Variants in ANGPT1 observed in about 807,000 individuals in gnomAD.
ANGPT1 encodes the protein angiopoietin 1, also known as angiopoietin-1.
In ANGPT1, 17 loss-of-function variants were observed where a neutral mutation model predicts 62.2. The ratio of observed to expected loss-of-function variants is 0.27; its 90% CI spans 0.19 to 0.41. The LOEUF is 0.41. Ranked by LOEUF, ANGPT1 falls within the 10% of genes least tolerant of loss-of-function variation. ANGPT1 has a pLI of 1.00. For synonymous variants in ANGPT1, 199 were observed against 198.9 expected, an observed-to-expected ratio of 1.00 and a Z score of 0.00; for missense variants, 478 against 594.9, an observed-to-expected ratio of 0.80 and a Z score of 2.04.
intron 1 of ANGPT1, among the ~76,000 whole-genome samples, chr8:107,350,609 T>C (rs552443925): frequency 6.6e-6 from 1 of 152,300 alleles, no homozygotes; most frequent in East Asian, 1.9e-4. Context: ...TCAGTTCTGC[T>C]GACCCTGTTG....
At chr8:107,494,298 T>C (rs1813037605) in intron 1 of ANGPT1, among the ~76,000 whole-genome samples, 1 of 152,126 alleles carries the variant, frequency 6.6e-6, no homozygotes, top group Admixed American at 6.5e-5. Flanking sequence ...GGGCTAAATG[T>C]TTCACTGTCA....
chr8:107,442,986 C>G (rs1654773), intron 1 of ANGPT1, among the ~76,000 whole-genome samples: 126,996 of 152,138 alleles, frequency 0.83, 53,099 homozygotes, highest in East Asian at 0.88. Flanking sequence ...ATGTAGAATG[C>G]CCAGCCCAGT....
chr8:107,274,950 G>A (rs1345098385), intron 7 of ANGPT1, among the ~76,000 whole-genome samples: 2 of 152,054 alleles, frequency 1.3e-5, no homozygotes, highest in African/African-American at 4.8e-5. Context: ...CTCTGATAAA[G>A]ACATGCCCAG....
chr8:107,258,813 A>C (rs1029737021), intron 8 of ANGPT1, among the ~76,000 whole-genome samples: 20 of 152,202 alleles, frequency 1.3e-4, no homozygotes, highest in African/African-American at 4.8e-4. Context: ...GCATATAAAT[A>C]CATGTATGTA....
chr8:107,383,733 A>G (rs1278864566), intron 1 of ANGPT1, among the ~76,000 whole-genome samples: 1 of 152,182 alleles, frequency 6.6e-6, no homozygotes, highest in African/African-American at 2.4e-5. Flanking sequence ...CAGATTTTAT[A>G]TATGAAAGGT....
chr8:107,316,520 T>A (rs1815017998), intron 4 of ANGPT1, among the ~76,000 whole-genome samples: 1 of 152,224 alleles, frequency 6.6e-6, no homozygotes. Flanking sequence ...TATTTGCTGA[T>A]ATTATAATAA....
intron 1 of ANGPT1, among the ~76,000 whole-genome samples, chr8:107,349,879 G>A (rs548611274): frequency 1.3e-5 from 2 of 152,186 alleles, no homozygotes; most frequent in Non-Finnish European, 2.9e-5. Flanking sequence ...AAATCTTTAA[G>A]GGCATGTACT....
At chr8:107,309,553 G>C (rs1814799839) in intron 4 of ANGPT1, among the ~76,000 whole-genome samples, 1 of 152,174 alleles carries the variant, frequency 6.6e-6, no homozygotes, top group African/African-American at 2.4e-5. Context: ...TGCATTTCAA[G>C]GGTGTGGAAG....
At chr8:107,416,901 C>T (rs1810765823) in intron 1 of ANGPT1, among the ~76,000 whole-genome samples, 2 of 151,682 alleles carry the variant, frequency 1.3e-5, no homozygotes, top group Non-Finnish European at 1.5e-5. Context: ...AAGCAATTCT[C>T]CCGCCTCAGG....
chr8:107,446,683 A>G (rs1811631586), intron 1 of ANGPT1, among the ~76,000 whole-genome samples: 1 of 152,204 alleles, frequency 6.6e-6, no homozygotes, highest in Admixed American at 6.5e-5. Context: ...GAAAACGTAA[A>G]TGTTGGCAGG....
chr8:107,262,600 T>C (rs1813519196), intron 8 of ANGPT1, among the ~76,000 whole-genome samples: 1 of 152,212 alleles, frequency 6.6e-6, no homozygotes, highest in South Asian at 2.1e-4. Flanking sequence ...AGTAACGTAG[T>C]GTTGGGAAAG....
intron 1 of ANGPT1, among the ~76,000 whole-genome samples, chr8:107,449,876 T>TA (rs1415269534): frequency 2.0e-5 from 3 of 152,124 alleles, no homozygotes; most frequent in African/African-American, 7.2e-5. Flanking sequence ...ATATTAAACT[T>TA]ACTATCAAAT....
intron 6 of ANGPT1, among the ~76,000 whole-genome samples, chr8:107,285,180 C>G (rs975119773): frequency 6.6e-5 from 10 of 151,964 alleles, no homozygotes; most frequent in African/African-American, 2.4e-4. Flanking sequence ...TTCTAAATTA[C>G]TAGTTAACAA....
At chr8:107,278,248 GT>G (rs1813911323) in intron 7 of ANGPT1, among the ~76,000 whole-genome samples, 1 of 151,766 alleles carries the variant, frequency 6.6e-6, no homozygotes, top group South Asian at 2.1e-4. Flanking sequence ...GTGAATGTTT[GT>G]TTTTTTAATT....
intron 1 of ANGPT1, among the ~76,000 whole-genome samples, chr8:107,482,635 G>A (rs1268077454): frequency 6.6e-6 from 1 of 152,102 alleles, no homozygotes; most frequent in East Asian, 1.9e-4. Flanking sequence ...GACAGGAAGT[G>A]CTATTATAAT....
intron 1 of ANGPT1, among the ~76,000 whole-genome samples, chr8:107,388,907 C>T (rs1394463230): frequency 6.6e-6 from 1 of 152,106 alleles, no homozygotes. Flanking sequence ...TTTCAAAAAT[C>T]ATTATTGTAC....
chr8:107,348,193 T>G (rs1368770555), intron 1 of ANGPT1, among the ~76,000 whole-genome samples: 5 of 152,220 alleles, frequency 3.3e-5, no homozygotes, highest in Non-Finnish European at 7.3e-5. Flanking sequence ...ACTTGATAGC[T>G]ATGACAAGTC....
rs1162516318 is a variant in ANGPT1, at chr8:107,383,976, T to A, written c.298-36879A>T. On this transcript the variant is annotated intron_variant, in intron 1 of 8. Coordinates refer to ENST00000517746, the MANE Select transcript of ANGPT1 (RefSeq NM_001146.5). ...ATTAGGCACCTGTAGCTGATATTAT[T>A]CATCTAAACTTACTCTTAAAAATAA... is the stretch of plus-strand genomic sequence containing the variant. Among the ~76,000 whole-genome samples the A allele has an allele frequency of 2.0e-5, 3 of 152,176 alleles. No individual in the cohort carries two copies. The East Asian group carries it at 5.8e-4, about 29-fold the overall frequency.
intron 1 of ANGPT1, among the ~76,000 whole-genome samples, chr8:107,489,573 C>G (rs553481413): frequency 6.6e-5 from 10 of 152,260 alleles, no homozygotes; most frequent in African/African-American, 2.2e-4. Context: ...GAGCAGACAA[C>G]TAAGACCAAA....
Sources: gnomAD v4.1 joint callset for allele counts (sites outside exome capture counted in the v4.1 genomes callset) on GRCh38, gnomAD v4.1.1 for gene constraint, MANE v1.5 for transcripts, NCBI Gene and HGNC (gene_info 2026-07-23, HGNC 2026-07-21) for gene names.